Variants in SLC41A3 observed in about 807,000 individuals in gnomAD.
The protein encoded by SLC41A3 is solute carrier family 41 member 3.
In SLC41A3, 44 loss-of-function variants were observed where a neutral mutation model predicts 45.4. The ratio of observed to expected loss-of-function variants is 0.97; its 90% CI spans 0.76 to 1.25. The LOEUF (loss-of-function observed/expected upper bound fraction) is 1.25. Ranked by LOEUF, SLC41A3 falls within the 50% of genes most tolerant of loss-of-function variation. SLC41A3 has a pLI of 0.00. For synonymous variants in SLC41A3, 256 were observed against 252.4 expected (o/e 1.01, Z -0.13); for missense variants, 550 against 600.6 (o/e 0.92, Z 0.88).
chr3:126,030,382 G>A (rs1941710358), intron 4 of SLC41A3, among the ~76,000 whole-genome samples: 2 of 151,358 alleles, frequency 1.3e-5, no homozygotes, highest in Non-Finnish European at 2.9e-5. Flanking sequence ...TTATGGATAG[G>A]CAACTCACAG....
chr3:126,032,779 A>T lies in SLC41A3; in HGVS notation c.453+828T>A, dbSNP rs567058309. On this transcript the variant is annotated intron_variant, in intron 4 of 10. Coordinates refer to ENST00000360370, the MANE Select transcript of SLC41A3 (RefSeq NM_017836.4). ...GCGGGATAAAGTAGGTATCATTCTA[A>T]TGTGATGGATGGGGGAGTCAGCCCT... is the stretch of plus-strand genomic sequence containing the variant. 1.4e-4 allele frequency among the ~76,000 whole-genome samples: 21 copies of T among 152,260 alleles called. 1 individual carries two copies. The South Asian group carries it at 4.1e-3, about 30-fold the overall frequency.
intron 9 of SLC41A3, among the ~76,000 whole-genome samples, chr3:126,011,399 C>T (rs759893076): frequency 4.9e-4 from 75 of 152,080 alleles, no homozygotes; most frequent in Non-Finnish European, 8.5e-4. Context: ...AGAAATGAGC[C>T]AATCTAAACA....
chr3:126,071,425 G>T (rs1020360245), intron 1 of SLC41A3, among the ~76,000 whole-genome samples: 1 of 152,024 alleles, frequency 6.6e-6, no homozygotes, highest in African/African-American at 2.4e-5. Flanking sequence ...CAGAACTGAA[G>T]GAAGAAAAAG....
At chr3:126,048,031 GAACA>G (rs1344269262) in intron 3 of SLC41A3, among the ~76,000 whole-genome samples, 2 of 152,018 alleles carry the variant, frequency 1.3e-5, no homozygotes, top group Non-Finnish European at 2.9e-5. Flanking sequence ...CTCAACAACA[GAACA>G]ACCAAAAAAA....
intron 8 of SLC41A3, 39 bp from the exon 9 acceptor site, chr3:126,012,788 G>A (rs376641834): frequency 2.2e-5 from 35 of 1,611,608 alleles, no homozygotes; most frequent in African/African-American, 1.9e-4. Context: ...CTTTCTTTAC[G>A]CCAGTCTCTA....
intron 3 of SLC41A3, among the ~76,000 whole-genome samples, chr3:126,036,082 T>A (rs972835751): frequency 3.9e-5 from 6 of 152,216 alleles, no homozygotes; most frequent in African/African-American, 1.4e-4. Context: ...TTGAATTTTT[T>A]AAAAAACTTC....
At position 126,038,914 on chromosome 3, in the gene SLC41A3, ATTGGCTGGG is replaced by A. The variant is rs1239273925; in HGVS notation, c.382-5245_382-5237del. ...GGGTCATGGGGGTGGATCCTTCATGATTGGCTGGGTGCCCTCCTCATGGTAATGAGTGAG... is the reference window on the plus strand; with the variant it reads ...GGGTCATGGGGGTGGATCCTTCATGATGCCCTCCTCATGGTAATGAGTGAG... On this transcript the variant is annotated intron_variant, in intron 3 of 10. Coordinates refer to ENST00000360370, the MANE Select transcript of SLC41A3 (RefSeq NM_017836.4). 9.2e-5 allele frequency among the ~76,000 whole-genome samples: 14 copies of A among 152,130 alleles called. No individual in the cohort carries two copies. In the East Asian group the frequency reaches 2.5e-3, roughly 27 times the overall value.
At chr3:126,024,524 A>C (rs1024486809) in intron 5 of SLC41A3, 2 of 152,312 alleles carry the variant, frequency 1.3e-5, no homozygotes, top group African/African-American at 2.4e-5. Context: ...GTAAACCTGC[A>C]GCCTGCTTTG....
At chr3:126,054,548 CT>C (rs1195803744) in intron 2 of SLC41A3, among the ~76,000 whole-genome samples, 6 of 152,170 alleles carry the variant, frequency 3.9e-5, no homozygotes, top group Admixed American at 1.3e-4. Context: ...GCGGCCACCC[CT>C]GTCTCTCACT....
chr3:126,068,344 T>G (rs1467634951), intron 1 of SLC41A3, 98 bp from the exon 2 acceptor site: 7 of 1,183,454 alleles, frequency 5.9e-6, no homozygotes, highest in Non-Finnish European at 7.9e-6. Context: ...CAGGCCGGCA[T>G]GGTCCCATCC....
intron 1 of SLC41A3, among the ~76,000 whole-genome samples, chr3:126,072,476 T>C (rs780476268): frequency 3.3e-5 from 5 of 150,182 alleles, no homozygotes; most frequent in Non-Finnish European, 4.4e-5. Context: ...GACAGAAGAC[T>C]CAAATAGTTA....
chr3:126,067,523 A>G, intron 2 of SLC41A3: 1 of 409,946 alleles, frequency 2.4e-6, no homozygotes, highest in East Asian at 7.8e-5. Flanking sequence ...CTGCAAGCCA[A>G]GGAGAGGCCA....
intron 3 of SLC41A3, among the ~76,000 whole-genome samples, chr3:126,038,081 G>T (rs1231364476): frequency 6.6e-6 from 1 of 152,240 alleles, no homozygotes; most frequent in Non-Finnish European, 1.5e-5. Flanking sequence ...TCAGTGCATG[G>T]AATGCAAGAG....
chr3:126,006,714 T>C lies in SLC41A3; in HGVS notation c.*302A>G, dbSNP rs1939140612. On this transcript the variant is annotated 3_prime_UTR_variant, in exon 11 of 11. Coordinates refer to ENST00000360370, the MANE Select transcript of SLC41A3 (RefSeq NM_017836.4). ...AAGCATACTGGACATGCCTCTTCTT[T>C]ACCTTCTCAGGCCAGAACACCCTCC... 8 of 1,453,980 alleles carry C rather than the reference T, an allele frequency of 5.5e-6. No homozygotes were observed. The South Asian group carries it at 1.1e-4, about 19-fold the overall frequency. The allele number at this position is 1,453,980 out of a possible 1,614,324, so 90.1% of individuals were successfully genotyped here.
chr3:126,042,691 CA>C (rs1177948768), intron 3 of SLC41A3, among the ~76,000 whole-genome samples: 1 of 151,650 alleles, frequency 6.6e-6, no homozygotes, highest in African/African-American at 2.4e-5. Flanking sequence ...AAAATATCAA[CA>C]AAGAAACAGA....
intron 10 of SLC41A3, among the ~76,000 whole-genome samples, chr3:126,008,394 GTGTGGAGTGTGTGGGTTGCACTGTGT>G (rs1939343485): frequency 6.6e-6 from 1 of 152,014 alleles, no homozygotes; most frequent in African/African-American, 2.4e-5. Flanking sequence ...GAAGTGTGTG[GTGTGGAGTGTGTGGGTTGCACTGTGT>G]TGTGGAGTGT....
chr3:126,076,951 C>G (rs961463887), intron 1 of SLC41A3, among the ~76,000 whole-genome samples: 1 of 152,230 alleles, frequency 6.6e-6, no homozygotes, highest in African/African-American at 2.4e-5. Context: ...GACTGCCCCA[C>G]AATCTCTTCA....
At chr3:126,076,118 T>C (rs1004863297) in intron 1 of SLC41A3, among the ~76,000 whole-genome samples, 8 of 152,192 alleles carry the variant, frequency 5.3e-5, no homozygotes, top group Admixed American at 3.9e-4. Context: ...TAAAGAATAC[T>C]TACAATTCAA....
chr3:126,087,054 T>G (rs866770966), upstream of SLC41A3, among the ~76,000 whole-genome samples: 13 of 152,304 alleles, frequency 8.5e-5, no homozygotes, highest in Middle Eastern at 6.8e-3. Flanking sequence ...TGTTTGCATT[T>G]ATTGATCAAG....
Sources: gnomAD v4.1 joint callset for allele counts (sites outside exome capture counted in the v4.1 genomes callset) on GRCh38, gnomAD v4.1.1 for gene constraint, MANE v1.5 for transcripts, NCBI Gene and HGNC (gene_info 2026-07-23, HGNC 2026-07-21) for gene names.